CCDC141: variants seen among roughly 807,000 people sequenced by gnomAD.
CCDC141 encodes coiled-coil domain containing 141.
A neutral mutation model predicts 181.0 loss-of-function variants in CCDC141; 168 were observed. The observed-to-expected ratio is 0.93, with a 90% CI of 0.82 to 1.05. The LOEUF is 1.05. Ranked by LOEUF, CCDC141 falls within the 50% of genes least tolerant of loss-of-function variation. CCDC141 has a pLI of 0.00. For synonymous variants in CCDC141, 666 were observed against 642.3 expected (o/e 1.04, Z -0.56); for missense variants, 1,902 against 1,788.5 (o/e 1.06, Z -1.14).
At chr2:178,912,305 T>TA (rs1295992835) in intron 7 of CCDC141, among the ~76,000 whole-genome samples, 2 of 152,140 alleles carry the variant, frequency 1.3e-5, no homozygotes, top group Non-Finnish European at 2.9e-5. Flanking sequence ...AATACACTCT[T>TA]ACGTTAGAAA....
intron 16 of CCDC141, among the ~76,000 whole-genome samples, chr2:178,867,198 T>C (rs942826163): frequency 6.6e-6 from 1 of 152,224 alleles, no homozygotes; most frequent in Non-Finnish European, 1.5e-5. Context: ...TGGGAATTTC[T>C]GTTTGCCTCA....
chr2:178,955,005 C>G (rs1299468070), intron 5 of CCDC141, among the ~76,000 whole-genome samples: 2 of 152,106 alleles, frequency 1.3e-5, no homozygotes, highest in African/African-American at 4.8e-5. Context: ...AACATTCAGG[C>G]CAGGCACGGT....
At chr2:179,024,149 AAACT>A (rs1188128678) in intron 2 of CCDC141, among the ~76,000 whole-genome samples, 1 of 152,216 alleles carries the variant, frequency 6.6e-6, no homozygotes, top group Non-Finnish European at 1.5e-5. Context: ...CAAATCAGAA[AAACT>A]AACAGCATTA....
At chr2:178,883,534 T>C (rs528853171) in intron 11 of CCDC141, among the ~76,000 whole-genome samples, 1 of 151,966 alleles carries the variant, frequency 6.6e-6, no homozygotes, top group South Asian at 2.1e-4. Flanking sequence ...TATAAAGGAA[T>C]TGGATAGAGG....
intron 2 of CCDC141, among the ~76,000 whole-genome samples, chr2:179,045,704 C>T (rs2043474477): frequency 6.6e-6 from 1 of 152,012 alleles, no homozygotes; most frequent in Non-Finnish European, 1.5e-5. Flanking sequence ...GATTGCCATT[C>T]TAACTGGTGT....
At chr2:179,042,882 A>G (rs2043355601) in intron 2 of CCDC141, among the ~76,000 whole-genome samples, 1 of 152,226 alleles carries the variant, frequency 6.6e-6, no homozygotes, top group South Asian at 2.1e-4. Flanking sequence ...GAACTGAAAG[A>G]GATAGAGACA....
chr2:179,048,213 G>A lies in CCDC141; in HGVS notation c.103-807C>T, dbSNP rs528808180. 1.4e-4 allele frequency among the ~76,000 whole-genome samples: 22 copies of A among 152,294 alleles called. 1 individual carries two copies. Among genetic ancestry groups the A allele is most frequent in the African/African-American group, 4.1e-4 (17 of 41,564 alleles). ...ATTACTAAAGAGAAATTAGAAAAAT[G>A]TATTTCTATTTTAGAATATATTCAG... On this transcript the variant is annotated intron_variant, in intron 1 of 23. Transcript: ENST00000443758.
chr2:178,815,748 G>A, the CCDC141 span, among the ~76,000 whole-genome samples: 1 of 152,164 alleles, frequency 6.6e-6, no homozygotes, highest in Non-Finnish European at 1.5e-5. Context: ...CAATGTAAGT[G>A]CTATGTAAAT....
chr2:179,032,235 A>C (rs2043019877), intron 2 of CCDC141, among the ~76,000 whole-genome samples: 1 of 152,028 alleles, frequency 6.6e-6, no homozygotes, highest in South Asian at 2.1e-4. Flanking sequence ...GGAGAGAAAA[A>C]AAGCAATGTG....
chr2:179,030,891 C>T (rs1026667579), intron 2 of CCDC141, among the ~76,000 whole-genome samples: 2 of 151,946 alleles, frequency 1.3e-5, no homozygotes, highest in African/African-American at 2.4e-5. Context: ...TCACAATTTT[C>T]GTTTTCAGGC....
At chr2:178,897,634 T>C (rs995264313) in intron 8 of CCDC141, among the ~76,000 whole-genome samples, 1 of 152,228 alleles carries the variant, frequency 6.6e-6, no homozygotes, top group Non-Finnish European at 1.5e-5. Flanking sequence ...TACAGTCCTT[T>C]AGGCAGGTAT....
At chr2:178,891,744 T>C (rs539308411) in intron 8 of CCDC141, among the ~76,000 whole-genome samples, 16 of 151,812 alleles carry the variant, frequency 1.1e-4, no homozygotes, top group African/African-American at 3.9e-4. Context: ...GCAATTTTAA[T>C]TTAGGTGAAT....
rs1687917645 is a variant in CCDC141 at position 178,905,402 on chromosome 2, T to G, written c.1192A>C (p.Arg398=). Residue 398 remains arginine, a synonymous_variant, in exon 8 of 24, where the codon AGA becomes CGA. Transcript: ENST00000443758. The stretch of plus-strand genomic sequence containing the variant: ...TCAGTTGTGCAGTCTTTAATTTTTC[T>G]GTGTAATTCCTCATGCCTCACTGCC... ...VLAVRHEELH[R]KIKDCTTDAL... is the part of the protein sequence containing the mutation. 1 of 1,550,764 alleles carries G rather than the reference T, an allele frequency of 6.4e-7. No individual in the cohort carries two copies. Among genetic ancestry groups the G allele is most frequent in the South Asian group, 1.2e-5 (1 of 84,048 alleles).
At chr2:178,995,732 T>C (rs1692257784) in intron 2 of CCDC141, among the ~76,000 whole-genome samples, 1 of 152,222 alleles carries the variant, frequency 6.6e-6, no homozygotes, top group African/African-American at 2.4e-5. Context: ...CTGTTCTCTT[T>C]GCTATTTAGA....
chr2:178,905,440 C>T lies in CCDC141; in HGVS notation c.1154G>A (p.Ser385Asn), dbSNP rs552539183. ...YLKLLKSEGL[S>N]LAVLAVRHEE... Reference sequence around the variant, plus strand: ...ATGCCTCACTGCCAAAACAGCCAGACTTAAACCCTCTGATTTAAGGAGCTT... The same window carrying T: ...ATGCCTCACTGCCAAAACAGCCAGATTTAAACCCTCTGATTTAAGGAGCTT... The change falls in exon 8 of 24, where the codon AGT becomes AAT. Residue 385 changes from serine to asparagine, a missense_variant. By Grantham distance (46) the Ser-to-Asn change is conservative. Coordinates refer to ENST00000443758, the MANE Select transcript of CCDC141 (RefSeq NM_173648.4). 2 of 1,551,014 alleles carry T rather than the reference C, an allele frequency of 1.3e-6. No individual in the cohort carries two copies. Among genetic ancestry groups the T allele is most frequent in the Non-Finnish European group, 1.7e-6 (2 of 1,147,044 alleles).
At chr2:178,945,317 C>G (rs975005450) in intron 5 of CCDC141, among the ~76,000 whole-genome samples, 10 of 152,160 alleles carry the variant, frequency 6.6e-5, no homozygotes, top group African/African-American at 2.4e-4. Context: ...GATTTTTACA[C>G]TCGAATCCTG....
intron 2 of CCDC141, among the ~76,000 whole-genome samples, chr2:179,036,572 C>T (rs1320861401): frequency 2.6e-5 from 4 of 152,168 alleles, no homozygotes; most frequent in African/African-American, 4.8e-5. Context: ...AAGTGCCAAG[C>T]GAGGCAGGGA....
At chr2:178,910,030 CT>C (rs763247157) in intron 7 of CCDC141, among the ~76,000 whole-genome samples, 11 of 152,150 alleles carry the variant, frequency 7.2e-5, no homozygotes, top group Non-Finnish European at 1.3e-4. Flanking sequence ...TGAATCAGCT[CT>C]TTTCGGTCTT....
intron 7 of CCDC141, among the ~76,000 whole-genome samples, chr2:178,910,380 C>T (rs1239281831): frequency 1.3e-5 from 2 of 152,146 alleles, no homozygotes; most frequent in African/African-American, 2.4e-5. Context: ...TTTCCTTCCA[C>T]GAGTCTAGTG....
Sources: gnomAD v4.1 joint callset for allele counts (sites outside exome capture counted in the v4.1 genomes callset) on GRCh38, gnomAD v4.1.1 for gene constraint, MANE v1.5 for transcripts, NCBI Gene and HGNC (gene_info 2026-07-23, HGNC 2026-07-21) for gene names.